The following POTEF variants were observed in gnomAD, a reference collection of about 807,000 sequenced individuals.
POTEF encodes POTE ankyrin domain family member F, also known as ANKRD26-like family C member 1B.
A neutral mutation model predicts 83.2 loss-of-function variants in POTEF; 20 were observed. The observed-to-expected ratio is 0.24, with a 90% CI of 0.17 to 0.35. The LOEUF (loss-of-function observed/expected upper bound fraction) is 0.35, where lower values mean the gene tolerates loss of function less well. POTEF is among the 10% of genes least tolerant of loss of function. The pLI, the probability that POTEF is intolerant of heterozygous loss-of-function variation, is 1.00. For missense variants in POTEF, 550 were observed against 1,203.2 expected (o/e 0.46, Z 8.03); for synonymous variants, 196 against 446.4 (o/e 0.44, Z 7.07).
rs574166744 is a variant in POTEF, at chr2:130,120,840, A to G, written c.-93-232T>C. 3.1e-5 allele frequency: 14 copies of G among 444,922 alleles called. No homozygotes were observed. In the South Asian group the frequency reaches 3.3e-4, roughly 10 times the overall value. 27.6% of individuals were successfully genotyped at this position (444,922 alleles called of 1,614,324 possible). A position where few individuals can be genotyped will look rare whatever the true frequency, so the allele number is the denominator to read the frequency against. Reference sequence around the variant, plus strand: ...GAGAAAAGGTCAAGCCCAGCAAAGGAACACGAGAGAGAAAACGTCAATCCA... The same window carrying G: ...GAGAAAAGGTCAAGCCCAGCAAAGGGACACGAGAGAGAAAACGTCAATCCA... On this transcript the variant is annotated intron_variant, in intron 2 of 16. Coordinates refer to ENST00000409914, the MANE Select transcript of POTEF (RefSeq NM_001099771.2).
intron 15 of POTEF, among the ~76,000 whole-genome samples, chr2:130,083,473 G>A (rs1179254926): frequency 1.4e-5 from 2 of 142,260 alleles, no homozygotes; most frequent in Non-Finnish European, 3.0e-5. Context: ...AAAGCCTGAG[G>A]GAGTGAGGTC....
intron 2 of POTEF, among the ~76,000 whole-genome samples, chr2:130,122,848 T>G (rs558177876): frequency 1.4e-4 from 21 of 151,942 alleles, no homozygotes; most frequent in Non-Finnish European, 2.6e-4. Context: ...TTGTCATTGG[T>G]GTATAGAAGC....
intron 2 of POTEF, among the ~76,000 whole-genome samples, chr2:130,124,901 GTAA>G (rs1215238949): frequency 7.1e-6 from 1 of 140,366 alleles, no homozygotes; most frequent in Non-Finnish European, 1.5e-5. Flanking sequence ...TGTCCCCACT[GTAA>G]TGATGGATAA....
At chr2:130,101,561 A>G (rs1284875161) in intron 9 of POTEF, among the ~76,000 whole-genome samples, 11 of 150,290 alleles carry the variant, frequency 7.3e-5, no homozygotes. Flanking sequence ...AAGGCAGAAT[A>G]TATTTTTAAG....
chr2:130,110,034 G>A (rs879992013), intron 7 of POTEF, among the ~76,000 whole-genome samples: 1 of 151,188 alleles, frequency 6.6e-6, no homozygotes, highest in Non-Finnish European at 1.5e-5. Flanking sequence ...AGCAGCAACA[G>A]AATCAACGGA....
intron 2 of POTEF, among the ~76,000 whole-genome samples, chr2:130,123,431 G>A (rs1685035062): frequency 6.6e-6 from 1 of 151,850 alleles, no homozygotes; most frequent in Non-Finnish European, 1.5e-5. Flanking sequence ...GTAAAAATTT[G>A]TAAAGACTAT....
In POTEF at chr2:130,073,815, TA is replaced by T. The variant is rs1174235865; in HGVS notation, c.*428del. Among the ~76,000 whole-genome samples the T allele has an allele frequency of 6.8e-6, 1 of 146,868 alleles. No individual in the cohort carries two copies. Among genetic ancestry groups the T allele is most frequent in the African/African-American group, 2.5e-5 (1 of 39,864 alleles). ...CTGATCATTCAAAATAAAACAAAAT[TA>T]AAAAGTATTAAGGCGAAGATTCAAA... is the stretch of plus-strand genomic sequence containing the variant. On this transcript the variant is annotated 3_prime_UTR_variant, in exon 17 of 17. Transcript: ENST00000409914.
chr2:130,085,661 CTGAT>C lies in POTEF; in HGVS notation c.1778+149_1778+152del, dbSNP rs1438630133. Among the ~76,000 whole-genome samples, 4 of 71,748 alleles carry C rather than the reference CTGAT, an allele frequency of 5.6e-5. 2 individuals carry two copies. Among genetic ancestry groups the C allele is most frequent in the Non-Finnish European group, 1.0e-4 (4 of 38,296 alleles). 47.1% of individuals were successfully genotyped at this position (71,748 alleles called of 152,430 possible). A position where few individuals can be genotyped will look rare whatever the true frequency, so the allele number is the denominator to read the frequency against. On this transcript the variant is annotated intron_variant, in intron 15 of 16. Coordinates refer to ENST00000409914, the MANE Select transcript of POTEF (RefSeq NM_001099771.2). ...TTAATGACTGGAAAAAAAACGGTAA[CTGAT>C]TGTTTGCTGATTTTCATTTTTCTGA...
At chr2:130,076,563 A>C (rs1683811135) in intron 16 of POTEF, among the ~76,000 whole-genome samples, 1 of 141,844 alleles carries the variant, frequency 7.1e-6, no homozygotes, top group African/African-American at 2.7e-5. Flanking sequence ...TTATTACTAA[A>C]TGTGTATCAT....
intron 11 of POTEF, among the ~76,000 whole-genome samples, chr2:130,094,928 A>G (rs1193688905): frequency 9.3e-5 from 14 of 150,532 alleles, no homozygotes; most frequent in African/African-American, 1.2e-4. Context: ...AAATAAAAAA[A>G]TTAATATAAA....
At chr2:130,127,163 T>C (rs1190789727) in intron 2 of POTEF, among the ~76,000 whole-genome samples, 2 of 150,524 alleles carry the variant, frequency 1.3e-5, no homozygotes, top group African/African-American at 2.5e-5. Flanking sequence ...CTACTAAAAA[T>C]ACAAAAATAA....
intron 8 of POTEF, among the ~76,000 whole-genome samples, chr2:130,103,694 A>G (rs1188381853): frequency 1.3e-5 from 2 of 150,826 alleles, no homozygotes; most frequent in Admixed American, 6.6e-5. Context: ...AAAATAAAGC[A>G]TGTCAGGGAT....
At chr2:130,105,429 C>G (rs1027303914) in intron 8 of POTEF, among the ~76,000 whole-genome samples, 2 of 151,658 alleles carry the variant, frequency 1.3e-5, no homozygotes, top group Non-Finnish European at 2.9e-5. Context: ...GAAACTATAG[C>G]TGACTACTGC....
rs911321262 is a variant in POTEF at position 130,120,620 on chromosome 2, G to C, written c.-93-12C>G. On this transcript the variant is annotated splice_polypyrimidine_tract_variant and intron_variant, in intron 2 of 16. Transcript: ENST00000409914. ...TCCGGGTTTCCAATCTGTTTGAAGA[G>C]AAAAGTCAATCCCAGCCAAAACCTG... The C allele has an allele frequency of 6.3e-7, 1 of 1,582,890 alleles. No homozygotes were observed. Among genetic ancestry groups the C allele is most frequent in the Non-Finnish European group, 8.6e-7 (1 of 1,164,712 alleles).
chr2:130,101,577 T>C (rs1337296278), intron 9 of POTEF, among the ~76,000 whole-genome samples: 2 of 150,268 alleles, frequency 1.3e-5, no homozygotes, highest in Non-Finnish European at 2.9e-5. Context: ...TTAAGCTTGG[T>C]ATCAATGACT....
At chr2:130,126,130 C>A (rs1322228196) in intron 2 of POTEF, among the ~76,000 whole-genome samples, 4 of 146,998 alleles carry the variant, frequency 2.7e-5, no homozygotes, top group Non-Finnish European at 4.5e-5. Flanking sequence ...ATAGAGAAAA[C>A]CCATCTCTAT....
chr2:130,098,680 T>C (rs1314606443), intron 11 of POTEF, among the ~76,000 whole-genome samples: 9 of 138,496 alleles, frequency 6.5e-5, no homozygotes, highest in African/African-American at 2.6e-4. Flanking sequence ...TTGGTAATGA[T>C]TTACTTTTGA....
At chr2:130,092,924 G>C (rs1467606323) in intron 12 of POTEF, among the ~76,000 whole-genome samples, 1 of 84,996 alleles carries the variant, frequency 1.2e-5, no homozygotes, top group Non-Finnish European at 2.3e-5. Context: ...CCAGTCCACG[G>C]TCTGTGAGGA....
In POTEF at chr2:130,075,188, T is replaced by C. The variant is rs774384288; in HGVS notation, c.2284A>G (p.Arg762Gly). ...GGGTACTTCAGGGTCAGGATGCCTCTTTTGCTCTGGGCCTCCTTGCCCACA... is the reference window on the plus strand; with the variant it reads ...GGGTACTTCAGGGTCAGGATGCCTCCTTTGCTCTGGGCCTCCTTGCCCACA... The part of the protein sequence containing the change: ...SYVGKEAQSK[R>G]GILTLKYPME... Residue 762 changes from arginine (R) to glycine (G), a missense_variant, in exon 17 of 17, where the codon AGA (arginine) becomes GGA (glycine). Arg to Gly is a moderately radical substitution (Grantham distance 125). Coordinates refer to ENST00000409914, the MANE Select transcript of POTEF (RefSeq NM_001099771.2). The C allele has an allele frequency of 3.1e-6, 5 of 1,612,936 alleles. No homozygotes were observed. The East Asian group carries it at 1.1e-4, about 36-fold the overall frequency.
Sources: gnomAD v4.1 joint callset for allele counts (sites outside exome capture counted in the v4.1 genomes callset) on GRCh38, gnomAD v4.1.1 for gene constraint, MANE v1.5 for transcripts, NCBI Gene and HGNC (gene_info 2026-07-23, HGNC 2026-07-21) for gene names.